The following KCNMB2 variants were observed in gnomAD, a reference collection of about 807,000 sequenced individuals.
The protein encoded by KCNMB2 is potassium calcium-activated channel subfamily M regulatory beta subunit 2, also known as calcium-activated potassium channel subunit beta-2.
A neutral mutation model predicts 24.5 loss-of-function variants in KCNMB2; 9 were observed. That is an observed-to-expected ratio of 0.37 (90% confidence interval 0.22 to 0.64). The LOEUF (loss-of-function observed/expected upper bound fraction) is 0.64. Ranked by LOEUF, KCNMB2 falls within the 30% of genes least tolerant of loss-of-function variation. KCNMB2 has a pLI of 0.63. For synonymous variants in KCNMB2, 109 were observed against 104.4 expected, an observed-to-expected ratio of 1.04 and a Z score of -0.27; for missense variants, 226 against 284.3, an observed-to-expected ratio of 0.79 and a Z score of 1.47.
Position 178,609,422 on chromosome 3 carries a change from G to C in KCNMB2, c.-68+72711G>C, listed in dbSNP as rs568518862. Among the ~76,000 whole-genome samples, 7 of 148,366 alleles carry C rather than the reference G, an allele frequency of 4.7e-5. No homozygotes were observed. In the South Asian group the frequency reaches 6.8e-4, roughly 14 times the overall value. ...CTGAGGTGTTTTTTTTTCCCATTCT[G>C]TCAGTTGTCTCTTCACTTTGTTGAT... On this transcript the variant is annotated intron_variant, in intron 1 of 4. Transcript: ENST00000452583.
chr3:178,660,957 C>T (rs974457519), intron 1 of KCNMB2, among the ~76,000 whole-genome samples: 3 of 151,012 alleles, frequency 2.0e-5, no homozygotes, highest in Non-Finnish European at 4.4e-5. Flanking sequence ...TGTTACAAAC[C>T]TTCAGTGTTT....
intron 1 of KCNMB2, among the ~76,000 whole-genome samples, chr3:178,548,284 A>G (rs1397051403): frequency 1.3e-5 from 2 of 152,150 alleles, no homozygotes; most frequent in Non-Finnish European, 2.9e-5. Context: ...AGATCTTGCA[A>G]TCTCTTTCTG....
chr3:178,717,890 CA>C (rs34476959), intron 1 of KCNMB2, among the ~76,000 whole-genome samples: 97 of 134,406 alleles, frequency 7.2e-4, no homozygotes, highest in Middle Eastern at 3.8e-3. Flanking sequence ...ACTTTCTTTA[CA>C]AAAAAAAAAA....
chr3:178,660,326 C>T (rs554736608), intron 1 of KCNMB2, among the ~76,000 whole-genome samples: 16 of 152,222 alleles, frequency 1.1e-4, no homozygotes, highest in East Asian at 1.9e-4. Flanking sequence ...TTTATTATTA[C>T]GAATATTCCC....
At chr3:178,774,457 G>A (rs1024243201) in intron 1 of KCNMB2, among the ~76,000 whole-genome samples, 1 of 152,192 alleles carries the variant, frequency 6.6e-6, no homozygotes, top group Non-Finnish European at 1.5e-5. Flanking sequence ...TAGAGCAGGT[G>A]AGTAAGAAAA....
intron 2 of KCNMB2, among the ~76,000 whole-genome samples, chr3:178,810,217 A>G (rs982512837): frequency 6.6e-6 from 1 of 152,176 alleles, no homozygotes; most frequent in Admixed American, 6.5e-5. Context: ...AATTATTTGG[A>G]AATAAATTAA....
At position 178,825,743 on chromosome 3, in the gene KCNMB2, G is replaced by A. The variant is rs553808917; in HGVS notation, c.212G>A (p.Arg71His). The A allele has an allele frequency of 2.5e-5, 41 of 1,612,498 alleles. No individual in the cohort carries two copies. Among genetic ancestry groups the A allele is most frequent in the East Asian group, 4.5e-5 (2 of 44,838 alleles). Residue 71 changes from arginine (R) to histidine (H), a missense_variant, in exon 3 of 5, where the codon CGC (arginine) becomes CAC (histidine). By Grantham distance (29) the Arg-to-His change is conservative. Transcript: ENST00000452583. Reference sequence around the variant, plus strand: ...TTTCTGCTGGGAATCACACTCCTGCGCTCATACATGCAGAGGTAATACCAC... The same window carrying A: ...TTTCTGCTGGGAATCACACTCCTGCACTCATACATGCAGAGGTAATACCAC... ...MYFLLGITLLRSYMQSVWTEE... is the reference protein window; with the variant it reads ...MYFLLGITLLHSYMQSVWTEE...
chr3:178,775,495 T>A (rs997604208), intron 1 of KCNMB2, among the ~76,000 whole-genome samples: 1 of 152,238 alleles, frequency 6.6e-6, no homozygotes, highest in Non-Finnish European at 1.5e-5. Flanking sequence ...ACTATCTTTT[T>A]ACTGAAACCT....
chr3:178,792,546 T>C (rs1713363695), intron 1 of KCNMB2, among the ~76,000 whole-genome samples: 2 of 151,930 alleles, frequency 1.3e-5, no homozygotes, highest in African/African-American at 2.4e-5. Context: ...AGCAATAAAA[T>C]TGCAGGAGTA....
intron 1 of KCNMB2, among the ~76,000 whole-genome samples, chr3:178,606,767 A>G (rs910187440): frequency 7.9e-5 from 12 of 152,160 alleles, no homozygotes; most frequent in Non-Finnish European, 1.8e-4. Flanking sequence ...ATATGATGGT[A>G]TTAAGAGGTA....
chr3:178,684,990 A>G (rs1373160401), intron 1 of KCNMB2, among the ~76,000 whole-genome samples: 1 of 152,236 alleles, frequency 6.6e-6, no homozygotes, highest in Non-Finnish European at 1.5e-5. Flanking sequence ...ACCTAAAGAA[A>G]TGCATACATC....
intron 1 of KCNMB2, among the ~76,000 whole-genome samples, chr3:178,769,784 A>C (rs1712269395): frequency 6.6e-6 from 1 of 152,240 alleles, no homozygotes; most frequent in South Asian, 2.1e-4. Context: ...AATTACAATG[A>C]TGGTCTAGTG....
chr3:178,545,403 G>T (rs1000582485), intron 1 of KCNMB2, among the ~76,000 whole-genome samples: 1 of 152,188 alleles, frequency 6.6e-6, no homozygotes, highest in African/African-American at 2.4e-5. Flanking sequence ...TGGAAAGCTG[G>T]TAAAGGTCAA....
intron 1 of KCNMB2, among the ~76,000 whole-genome samples, chr3:178,788,341 TCAAA>T (rs1250155952): frequency 1.3e-5 from 2 of 152,200 alleles, no homozygotes; most frequent in African/African-American, 4.8e-5. Flanking sequence ...AGGTAAATTA[TCAAA>T]CAGTGAACTA....
At chr3:178,797,482 A>G (rs554719065) in intron 1 of KCNMB2, among the ~76,000 whole-genome samples, 182 of 152,326 alleles carry the variant, frequency 1.2e-3, no homozygotes, top group Non-Finnish European at 1.9e-3. Flanking sequence ...AATCCTCAAC[A>G]AACAGCAAAT....
intron 1 of KCNMB2, among the ~76,000 whole-genome samples, chr3:178,556,632 G>C (rs1436218907): frequency 1.3e-5 from 2 of 152,100 alleles, no homozygotes; most frequent in Non-Finnish European, 2.9e-5. Context: ...GTCTTGAACT[G>C]CTGACCTCGT....
intron 1 of KCNMB2, among the ~76,000 whole-genome samples, chr3:178,650,606 C>CA (rs1560148467): frequency 6.6e-6 from 1 of 151,410 alleles, no homozygotes; most frequent in African/African-American, 2.4e-5. Flanking sequence ...GACACAACAA[C>CA]AAAAAAAAAT....
chr3:178,549,310 T>C (rs1216024795), intron 1 of KCNMB2, among the ~76,000 whole-genome samples: 1 of 120,042 alleles, frequency 8.3e-6, no homozygotes, highest in Non-Finnish European at 1.8e-5. Flanking sequence ...TTTTATTTTC[T>C]TTTTTTTTTT....
intron 1 of KCNMB2, among the ~76,000 whole-genome samples, chr3:178,668,070 C>T (rs911617028): frequency 3.2e-4 from 49 of 152,262 alleles, no homozygotes; most frequent in African/African-American, 1.2e-3. Context: ...CAGAAGAGAA[C>T]TCATTAATAA....
Sources: gnomAD v4.1 joint callset for allele counts (sites outside exome capture counted in the v4.1 genomes callset) on GRCh38, gnomAD v4.1.1 for gene constraint, MANE v1.5 for transcripts, NCBI Gene and HGNC (gene_info 2026-07-23, HGNC 2026-07-21) for gene names.